ROBO2: variants seen among roughly 807,000 people sequenced by gnomAD.
ROBO2 encodes the protein roundabout guidance receptor 2.
ROBO2 carries 53 observed loss-of-function variants against 160.8 expected under a neutral mutation model. The observed-to-expected ratio is 0.33, with a 90% CI of 0.26 to 0.41. ROBO2 has a LOEUF of 0.41. ROBO2 is among the 10% of genes least tolerant of loss of function. The pLI, the probability that ROBO2 is intolerant of heterozygous loss-of-function variation, is 1.00. For synonymous variants in ROBO2, 664 were observed against 611.7 expected, an observed-to-expected ratio of 1.09 and a Z score of -1.26; for missense variants, 1,577 against 1,722.4, an observed-to-expected ratio of 0.92 and a Z score of 1.49.
chr3:76,192,600 A>G (rs556091390), intron 2 of ROBO2, among the ~76,000 whole-genome samples: 11 of 151,220 alleles, frequency 7.3e-5, no homozygotes, highest in African/African-American at 2.7e-4. Flanking sequence ...TTACATTTAT[A>G]CCCATCGTGT....
At chr3:76,164,541 A>G (rs2072753761) in intron 2 of ROBO2, among the ~76,000 whole-genome samples, 1 of 152,216 alleles carries the variant, frequency 6.6e-6, no homozygotes, top group Non-Finnish European at 1.5e-5. Flanking sequence ...AGCAGGTGTG[A>G]AAACAACGTT....
At chr3:77,545,566 G>A (rs991983643) in intron 6 of ROBO2, among the ~76,000 whole-genome samples, 13 of 151,936 alleles carry the variant, frequency 8.6e-5, no homozygotes, top group African/African-American at 2.2e-4. Context: ...ATTTAATTTC[G>A]TTTTTGTTTT....
chr3:77,645,318 T>A (rs1427478334), intron 25 of ROBO2, among the ~76,000 whole-genome samples: 1 of 152,200 alleles, frequency 6.6e-6, no homozygotes, highest in Non-Finnish European at 1.5e-5. Flanking sequence ...TTTTTAAATT[T>A]GGGTAGTCAC....
chr3:76,940,459 C>T (rs1159363449), intron 2 of ROBO2, among the ~76,000 whole-genome samples: 1 of 152,160 alleles, frequency 6.6e-6, no homozygotes, highest in Non-Finnish European at 1.5e-5. Flanking sequence ...CTCGATACAA[C>T]AAAAAATCCA....
At chr3:76,468,303 C>CA (rs754199100) in intron 2 of ROBO2, among the ~76,000 whole-genome samples, 13 of 152,222 alleles carry the variant, frequency 8.5e-5, no homozygotes, top group Non-Finnish European at 1.9e-4. Flanking sequence ...ACATTGGAAT[C>CA]AATAAAGCTA....
chr3:76,122,746 G>A (rs940035314), intron 2 of ROBO2, among the ~76,000 whole-genome samples: 4 of 151,956 alleles, frequency 2.6e-5, no homozygotes, highest in Non-Finnish European at 4.4e-5. Flanking sequence ...TGCTCTCTCT[G>A]CTTTATGGTT....
At chr3:77,510,051 C>T (rs1371576324) in intron 5 of ROBO2, among the ~76,000 whole-genome samples, 2 of 151,796 alleles carry the variant, frequency 1.3e-5, no homozygotes, top group African/African-American at 4.8e-5. Context: ...TAGTTGAGTG[C>T]TCGAGTATAG....
chr3:77,170,271 GAT>G (rs1209372239), intron 2 of ROBO2, among the ~76,000 whole-genome samples: 2 of 152,070 alleles, frequency 1.3e-5, no homozygotes, highest in African/African-American at 2.4e-5. Context: ...GATAGTTCCA[GAT>G]AGTTATTGGG....
intron 2 of ROBO2, among the ~76,000 whole-genome samples, chr3:76,468,222 A>C (rs1392412371): frequency 1.3e-5 from 2 of 152,138 alleles, no homozygotes; most frequent in African/African-American, 4.8e-5. Flanking sequence ...TTGGATAGCA[A>C]CTGGCAAAGT....
At chr3:76,618,454 T>C (rs1212031985) in intron 2 of ROBO2, among the ~76,000 whole-genome samples, 5 of 150,310 alleles carry the variant, frequency 3.3e-5, no homozygotes, top group Admixed American at 1.3e-4. Flanking sequence ...TATATAAATA[T>C]ATATATAATC....
intron 2 of ROBO2, among the ~76,000 whole-genome samples, chr3:77,116,113 C>A (rs2074172312): frequency 6.6e-6 from 1 of 152,192 alleles, no homozygotes; most frequent in African/African-American, 2.4e-5. Flanking sequence ...GCTCTTTGTG[C>A]ACCTCCACGA....
intron 2 of ROBO2, among the ~76,000 whole-genome samples, chr3:76,811,114 A>G (rs1205757818): frequency 6.6e-6 from 1 of 152,158 alleles, no homozygotes; most frequent in Non-Finnish European, 1.5e-5. Context: ...TTTATTATTG[A>G]GGTCTATAAT....
At chr3:77,206,264 G>A (rs2119748) in intron 2 of ROBO2, among the ~76,000 whole-genome samples, 21,274 of 151,976 alleles carry the variant, frequency 0.14, 1,824 homozygotes, top group Middle Eastern at 0.21. Context: ...CCACCTCCCG[G>A]GTTCAAGCGA....
chr3:76,651,593 T>C (rs1560307460), intron 2 of ROBO2, among the ~76,000 whole-genome samples: 1 of 151,852 alleles, frequency 6.6e-6, no homozygotes, highest in Non-Finnish European at 1.5e-5. Flanking sequence ...ACTGATGCAC[T>C]ATTATTGCTT....
At chr3:76,953,696 T>C (rs2079084067) in intron 2 of ROBO2, among the ~76,000 whole-genome samples, 1 of 152,166 alleles carries the variant, frequency 6.6e-6, no homozygotes, top group Non-Finnish European at 1.5e-5. Context: ...CACTTTGTAT[T>C]ATGTTTGGCA....
chr3:76,423,100 G>A (rs2076062064), intron 2 of ROBO2, among the ~76,000 whole-genome samples: 3 of 152,156 alleles, frequency 2.0e-5, no homozygotes, highest in African/African-American at 7.2e-5. Flanking sequence ...GCAAGTGCAG[G>A]TGAGTTTATA....
chr3:77,049,423 T>C (rs1449824831), intron 1 of ROBO2, among the ~76,000 whole-genome samples: 1 of 152,198 alleles, frequency 6.6e-6, no homozygotes, highest in Non-Finnish European at 1.5e-5. Flanking sequence ...CTAATATGCA[T>C]GTAGCATATC....
At chr3:77,259,478 T>G (rs980871176) in intron 2 of ROBO2, among the ~76,000 whole-genome samples, 3 of 152,136 alleles carry the variant, frequency 2.0e-5, no homozygotes, top group Non-Finnish European at 4.4e-5. Context: ...AATAGGTTAC[T>G]AAGAGGTTGT....
At chr3:77,120,254 G>A (rs1449226032) in intron 2 of ROBO2, among the ~76,000 whole-genome samples, 1 of 152,198 alleles carries the variant, frequency 6.6e-6, no homozygotes, top group East Asian at 1.9e-4. Flanking sequence ...AGTTTGGAGA[G>A]ATATGGCAAA....
Sources: allele counts gnomAD v4.1 joint callset (sites outside exome capture counted in the v4.1 genomes callset), GRCh38; gene constraint gnomAD v4.1.1; transcripts MANE v1.5; gene names NCBI Gene and HGNC (gene_info 2026-07-23, HGNC 2026-07-21).